Variants in ADAMTSL3 observed in about 807,000 individuals in gnomAD.
ADAMTSL3 encodes the protein ADAMTS-like protein 3.
ADAMTSL3 carries 128 observed loss-of-function variants against 201.7 expected under a neutral mutation model. The observed-to-expected ratio is 0.63, with a 90% CI of 0.55 to 0.73. ADAMTSL3 has a LOEUF of 0.73. ADAMTSL3 is among the 30% of genes least tolerant of loss of function. ADAMTSL3 has a pLI of 0.00. For missense variants in ADAMTSL3, 1,990 were observed against 2,119.6 expected, an observed-to-expected ratio of 0.94 and a Z score of 1.20; for synonymous variants, 738 against 748.4, an observed-to-expected ratio of 0.99 and a Z score of 0.23.
chr15:83,867,634 A>T (rs1230517593), intron 8 of ADAMTSL3, among the ~76,000 whole-genome samples: 5 of 152,224 alleles, frequency 3.3e-5, no homozygotes, highest in African/African-American at 1.2e-4. Flanking sequence ...GACATGAATG[A>T]AATTAGCATA....
At chr15:83,662,570 T>TTA (rs1555427510) in intron 2 of ADAMTSL3, among the ~76,000 whole-genome samples, 2 of 65,536 alleles carry the variant, frequency 3.1e-5, no homozygotes, top group Non-Finnish European at 3.8e-5. Flanking sequence ...TAAAGTATAA[T>TTA]AAAAAAAAAA....
At chr15:83,668,339 T>C (rs987838283) in intron 2 of ADAMTSL3, among the ~76,000 whole-genome samples, 30 of 152,250 alleles carry the variant, frequency 2.0e-4, no homozygotes, top group African/African-American at 7.2e-4. Context: ...TTCTGTTTTT[T>C]TGGTATTGAG....
chr15:83,903,037 A>G (rs2065756599), intron 15 of ADAMTSL3, among the ~76,000 whole-genome samples: 1 of 152,150 alleles, frequency 6.6e-6, no homozygotes, highest in African/African-American at 2.4e-5. Context: ...CAGACAGCAC[A>G]TCATTTCATT....
chr15:83,769,682 T>C (rs1022877840), intron 3 of ADAMTSL3, among the ~76,000 whole-genome samples: 1 of 152,248 alleles, frequency 6.6e-6, no homozygotes. Context: ...CCAGTGAGAC[T>C]TGAGTGAAAA....
At chr15:83,788,916 T>C (rs2063304531) in intron 4 of ADAMTSL3, among the ~76,000 whole-genome samples, 1 of 152,130 alleles carries the variant, frequency 6.6e-6, no homozygotes, top group South Asian at 2.1e-4. Context: ...TTGAAGCAAC[T>C]CTCCTGCCTC....
At chr15:84,030,672 G>A (rs749438614) in intron 27 of ADAMTSL3, among the ~76,000 whole-genome samples, 18 of 152,160 alleles carry the variant, frequency 1.2e-4, no homozygotes, top group Non-Finnish European at 2.1e-4. Flanking sequence ...GGGGACTGTT[G>A]GGAAGGCATG....
intron 3 of ADAMTSL3, among the ~76,000 whole-genome samples, chr15:83,712,072 A>G (rs1428231856): frequency 6.6e-6 from 1 of 152,150 alleles, no homozygotes; most frequent in African/African-American, 2.4e-5. Flanking sequence ...TTGAGATCAG[A>G]TCAGTCCCTA....
intron 22 of ADAMTSL3, among the ~76,000 whole-genome samples, chr15:83,989,669 T>A (rs1233413177): frequency 6.6e-6 from 1 of 152,240 alleles, no homozygotes; most frequent in African/African-American, 2.4e-5. Flanking sequence ...GAAACATTTT[T>A]AATACTTAGT....
intron 4 of ADAMTSL3, among the ~76,000 whole-genome samples, chr15:83,802,987 A>C (rs1949231040): frequency 6.6e-6 from 1 of 152,206 alleles, no homozygotes. Context: ...ATTTTGTCAC[A>C]ATTTTTAAAA....
chr15:83,713,930 G>A (rs1224312384), intron 3 of ADAMTSL3, among the ~76,000 whole-genome samples: 1 of 152,148 alleles, frequency 6.6e-6, no homozygotes, highest in African/African-American at 2.4e-5. Context: ...CATGCTTGGA[G>A]TTTTAACACT....
intron 19 of ADAMTSL3, among the ~76,000 whole-genome samples, chr15:83,969,486 A>G (rs2067153157): frequency 6.6e-6 from 1 of 152,242 alleles, no homozygotes; most frequent in East Asian, 1.9e-4. Flanking sequence ...GCCCATAGGC[A>G]GATGAATGGA....
intron 4 of ADAMTSL3, among the ~76,000 whole-genome samples, chr15:83,801,683 T>C (rs181757906): frequency 1.5e-5 from 1 of 65,850 alleles, no homozygotes; most frequent in East Asian, 9.3e-4. Context: ...TATATATATA[T>C]ATATATATAT....
At chr15:83,832,650 C>T (rs1360788708) in intron 6 of ADAMTSL3, among the ~76,000 whole-genome samples, 1 of 152,042 alleles carries the variant, frequency 6.6e-6, no homozygotes, top group Admixed American at 6.6e-5. Context: ...CTGGTGAGGG[C>T]CTACTTCCTG....
At chr15:83,659,680 A>G (rs1340535452) in intron 2 of ADAMTSL3, among the ~76,000 whole-genome samples, 2 of 152,150 alleles carry the variant, frequency 1.3e-5, no homozygotes, top group Non-Finnish European at 2.9e-5. Flanking sequence ...ATATGGCAAA[A>G]AGGACTTGGC....
At chr15:83,728,415 C>T (rs1292733937) in intron 3 of ADAMTSL3, among the ~76,000 whole-genome samples, 1 of 151,024 alleles carries the variant, frequency 6.6e-6, no homozygotes, top group African/African-American at 2.4e-5. Flanking sequence ...CTGGTCTTCT[C>T]CTCGTTCCCC....
intron 3 of ADAMTSL3, among the ~76,000 whole-genome samples, chr15:83,721,886 C>A (rs577255852): frequency 6.6e-6 from 1 of 152,244 alleles, no homozygotes; most frequent in East Asian, 1.9e-4. Flanking sequence ...GTGTGCACCA[C>A]CATGCCCAGC....
chr15:84,004,213 T>C (rs2067851068), intron 23 of ADAMTSL3, among the ~76,000 whole-genome samples: 1 of 152,156 alleles, frequency 6.6e-6, no homozygotes, highest in Non-Finnish European at 1.5e-5. Context: ...GTCAGGTCAT[T>C]TTATTATTTT....
intron 22 of ADAMTSL3, 72 bp downstream of exon 22, chr15:83,988,890 T>A (rs1176312555): frequency 5.7e-6 from 5 of 879,344 alleles, no homozygotes; most frequent in Non-Finnish European, 1.4e-6. Flanking sequence ...TTTATTTATT[T>A]TTTTTTTTTG....
chr15:83,950,759 G>T (rs1293389951), intron 19 of ADAMTSL3, among the ~76,000 whole-genome samples: 1 of 151,620 alleles, frequency 6.6e-6, no homozygotes, highest in African/African-American at 2.4e-5. Flanking sequence ...CATTTTATTT[G>T]TAGCTATTGT....
Sources: gnomAD v4.1 joint callset for allele counts (sites outside exome capture counted in the v4.1 genomes callset) on GRCh38, gnomAD v4.1.1 for gene constraint, MANE v1.5 for transcripts, NCBI Gene and HGNC (gene_info 2026-07-23, HGNC 2026-07-21) for gene names.